Variants in SCUBE1 observed in about 807,000 individuals in gnomAD.
The protein encoded by SCUBE1 is signal peptide, CUB domain and EGF like domain containing 1, also known as signal peptide, CUB and EGF-like domain-containing protein 1.
Under a neutral mutation model 124.4 loss-of-function variants are expected in SCUBE1, and 59 were observed. That is an observed-to-expected ratio of 0.47 (90% CI 0.38 to 0.59). The LOEUF (loss-of-function observed/expected upper bound fraction) is 0.59, where lower values mean the gene tolerates loss of function less well. SCUBE1 is among the 20% of genes least tolerant of loss of function. The probability of loss-of-function intolerance (pLI) is 0.00; values close to 1 mark genes in which losing one functional copy is unlikely to be tolerated. For synonymous variants in SCUBE1, 545 were observed against 550.9 expected, an observed-to-expected ratio of 0.99 and a Z score of 0.15; for missense variants, 1,150 against 1,371.2, an observed-to-expected ratio of 0.84 and a Z score of 2.55.
rs999815465 is a variant in SCUBE1, at chr22:43,198,824, G to A, written c.*5173C>T. Reference sequence around the variant, plus strand: ...GCAGCTTGTCTGCTGTCTGGGGCAGGGTGTCTGTCTATCTGCTGTCTGGGG... The same window carrying A: ...GCAGCTTGTCTGCTGTCTGGGGCAGAGTGTCTGTCTATCTGCTGTCTGGGG... On this transcript the variant is annotated 3_prime_UTR_variant, in exon 22 of 22. Coordinates refer to ENST00000360835, the MANE Select transcript of SCUBE1 (RefSeq NM_173050.5). 8 of 418,828 alleles carry A rather than the reference G, an allele frequency of 1.9e-5. No homozygotes were observed. Among genetic ancestry groups the A allele is most frequent in the Middle Eastern group, 8.6e-4 (2 of 2,336 alleles). The allele number at this position is 418,828 out of a possible 1,614,324, so 25.9% of individuals were successfully genotyped here.
At chr22:43,208,265 A>T in intron 19 of SCUBE1, 41 bp from the exon 20 acceptor site, 2 of 1,609,312 alleles carry the variant, frequency 1.2e-6, no homozygotes, top group Non-Finnish European at 1.7e-6. Flanking sequence ...ACAGGTAGGC[A>T]GCTCCTCCTG....
chr22:43,286,693 T>C (rs739305), intron 4 of SCUBE1, among the ~76,000 whole-genome samples: 134,005 of 152,234 alleles, frequency 0.88, 59,139 homozygotes, highest in East Asian at 1. Context: ...CTACTTAGCA[T>C]GTGATCCCCT....
intron 1 of SCUBE1, among the ~76,000 whole-genome samples, chr22:43,339,617 CCTACTCTCCTTACTCTAT>C (rs1569037828): frequency 4.0e-4 from 57 of 144,024 alleles, no homozygotes; most frequent in African/African-American, 1.4e-3. Context: ...CACTCTATCC[CCTACTCTCCTTACTCTAT>C]CCCCCCACAA....
intron 4 of SCUBE1, among the ~76,000 whole-genome samples, chr22:43,287,658 G>A (rs1381222925): frequency 6.6e-6 from 1 of 152,232 alleles, no homozygotes; most frequent in African/African-American, 2.4e-5. Flanking sequence ...TTCAGGGGTA[G>A]GCTCCAAAGA....
At chr22:43,243,663 C>T (rs910181686) in intron 6 of SCUBE1, among the ~76,000 whole-genome samples, 5 of 152,222 alleles carry the variant, frequency 3.3e-5, no homozygotes, top group Admixed American at 1.3e-4. Context: ...AAGGGACAGG[C>T]GCTATGGAGG....
At chr22:43,262,355 T>C (rs1437952000) in intron 5 of SCUBE1, among the ~76,000 whole-genome samples, 1 of 152,196 alleles carries the variant, frequency 6.6e-6, no homozygotes, top group Non-Finnish European at 1.5e-5. Flanking sequence ...ACTCTTTTCC[T>C]TCTTTGTACT....
chr22:43,318,968 C>T (rs987308787), intron 3 of SCUBE1, among the ~76,000 whole-genome samples: 1 of 152,132 alleles, frequency 6.6e-6, no homozygotes, highest in African/African-American at 2.4e-5. Flanking sequence ...GTGATCCACC[C>T]GCCTTGGCCT....
chr22:43,315,946 G>A (rs565617910), intron 3 of SCUBE1, among the ~76,000 whole-genome samples: 1 of 152,188 alleles, frequency 6.6e-6, no homozygotes, highest in Non-Finnish European at 1.5e-5. Context: ...AGGTGGTTCT[G>A]CACAGGTAAG....
intron 4 of SCUBE1, among the ~76,000 whole-genome samples, chr22:43,273,923 C>T (rs1924393612): frequency 6.6e-6 from 1 of 152,116 alleles, no homozygotes; most frequent in Non-Finnish European, 1.5e-5. Flanking sequence ...AGGTGATGGG[C>T]TCCAGCTCAG....
chr22:43,302,187 C>T (rs1245985592), intron 3 of SCUBE1, among the ~76,000 whole-genome samples: 1 of 152,216 alleles, frequency 6.6e-6, no homozygotes, highest in Non-Finnish European at 1.5e-5. Flanking sequence ...AACCAGGTAC[C>T]CTCACAGTCA....
intron 4 of SCUBE1, among the ~76,000 whole-genome samples, chr22:43,290,306 C>A (rs1053491924): frequency 6.6e-6 from 1 of 152,202 alleles, no homozygotes; most frequent in African/African-American, 2.4e-5. Flanking sequence ...CTCCTCCAAG[C>A]ACATGTGTCC....
chr22:43,296,712 A>T (rs1925574108), intron 3 of SCUBE1, among the ~76,000 whole-genome samples: 1 of 152,112 alleles, frequency 6.6e-6, no homozygotes, highest in Admixed American at 6.5e-5. Context: ...TTTGATGTAC[A>T]ACTGTATCTG....
At chr22:43,238,997 A>T (rs774976998) in intron 6 of SCUBE1, 43 bp from the exon 7 acceptor site, 1 of 1,496,606 alleles carries the variant, frequency 6.7e-7, no homozygotes, top group Non-Finnish European at 9.3e-7. Context: ...CCTTGGACAG[A>T]AGCCACTGGC....
chr22:43,289,200 T>A (rs144967201), intron 4 of SCUBE1, among the ~76,000 whole-genome samples: 1,861 of 152,332 alleles, frequency 0.012, 17 homozygotes, highest in African/African-American at 0.022. Flanking sequence ...CTCCCCTCCC[T>A]GGATGAAAGC....
intron 3 of SCUBE1, among the ~76,000 whole-genome samples, chr22:43,311,056 G>A (rs1926152033): frequency 6.6e-6 from 1 of 152,188 alleles, no homozygotes; most frequent in South Asian, 2.1e-4. Flanking sequence ...TGGGATTATA[G>A]GTGTGAGCCA....
chr22:43,329,517 C>T (rs930107640), intron 2 of SCUBE1, among the ~76,000 whole-genome samples: 5 of 152,270 alleles, frequency 3.3e-5, no homozygotes, highest in African/African-American at 9.6e-5. Flanking sequence ...CTCCCAGCTC[C>T]ACTTCCCTCT....
rs373134002 is a variant in SCUBE1, at chr22:43,238,832, G to A, written c.844+6C>T. 20 of 1,609,776 alleles carry A rather than the reference G, an allele frequency of 1.2e-5. No individual in the cohort carries two copies. Among genetic ancestry groups the A allele is most frequent in the Non-Finnish European group, 1.7e-5 (20 of 1,176,938 alleles). ...CAGGGGCACCCACACAGCTCCACATGCTGACCTTTGCATGTCTTCCCGTCC... is the reference window on the plus strand; with the variant it reads ...CAGGGGCACCCACACAGCTCCACATACTGACCTTTGCATGTCTTCCCGTCC... On this transcript the variant is annotated splice_donor_region_variant and intron_variant, in intron 7 of 21. Coordinates refer to ENST00000360835, the MANE Select transcript of SCUBE1 (RefSeq NM_173050.5).
At chr22:43,282,790 G>A (rs558566273) in intron 4 of SCUBE1, 3 of 152,118 alleles carry the variant, frequency 2.0e-5, no homozygotes, top group African/African-American at 7.2e-5. Flanking sequence ...CCGCCTCCCG[G>A]GTTCAAGTAA....
intron 10 of SCUBE1, among the ~76,000 whole-genome samples, chr22:43,226,993 G>C (rs534181197): frequency 6.6e-6 from 1 of 152,228 alleles, no homozygotes; most frequent in East Asian, 1.9e-4. Flanking sequence ...AGCAAGACAA[G>C]GGGAAGCTAC....
Sources: gnomAD v4.1 joint callset for allele counts (sites outside exome capture counted in the v4.1 genomes callset) on GRCh38, gnomAD v4.1.1 for gene constraint, MANE v1.5 for transcripts, NCBI Gene and HGNC (gene_info 2026-07-23, HGNC 2026-07-21) for gene names.